Variants in STAG1 observed in about 807,000 individuals in gnomAD.
The protein encoded by STAG1 is cohesin subunit SA-1.
In STAG1, 26 loss-of-function variants were observed where a neutral mutation model predicts 170.9. The observed-to-expected ratio is 0.15, with a 90% confidence interval of 0.11 to 0.21. The LOEUF (loss-of-function observed/expected upper bound fraction) is 0.21. Ranked by LOEUF, STAG1 falls within the 10% of genes least tolerant of loss-of-function variation. The pLI, the probability that STAG1 is intolerant of heterozygous loss-of-function variation, is 1.00. For synonymous variants in STAG1, 514 were observed against 497.7 expected (o/e 1.03, Z -0.44); for missense variants, 964 against 1,509.5 (o/e 0.64, Z 5.99).
intron 1 of STAG1, among the ~76,000 whole-genome samples, chr3:136,700,057 T>C (rs1342017993): frequency 1.3e-5 from 2 of 151,700 alleles, no homozygotes; most frequent in Admixed American, 1.3e-4. Flanking sequence ...ATATCTAAAA[T>C]TGCCCTGTGT....
At chr3:136,717,341 C>T (rs1213783258) in intron 1 of STAG1, among the ~76,000 whole-genome samples, 1 of 152,150 alleles carries the variant, frequency 6.6e-6, no homozygotes, top group Non-Finnish European at 1.5e-5. Flanking sequence ...GTGTTAAAAG[C>T]ATTTTGTTAC....
chr3:136,402,865 C>G (rs905395260), intron 21 of STAG1, among the ~76,000 whole-genome samples: 2 of 151,854 alleles, frequency 1.3e-5, no homozygotes, highest in Non-Finnish European at 2.9e-5. Context: ...TTTCAGATCA[C>G]TCAAGCAAAA....
rs377097750 is a variant in STAG1, at chr3:136,523,750, T to C, written c.472-2333A>G. On this transcript the variant is annotated intron_variant, in intron 6 of 33. Coordinates refer to ENST00000383202, the MANE Select transcript of STAG1 (RefSeq NM_005862.3). ...TAGGTCTAACATGTAAGTCTTTAAT[T>C]CATCTTGAATTAATTTTTGTATAAA... Among the ~76,000 whole-genome samples the C allele has an allele frequency of 2.6e-5, 4 of 152,278 alleles. No homozygotes were observed. The East Asian group carries it at 7.7e-4, about 29-fold the overall frequency.
At chr3:136,348,517 T>C (rs1352493037) in intron 29 of STAG1, among the ~76,000 whole-genome samples, 3 of 152,134 alleles carry the variant, frequency 2.0e-5, no homozygotes, top group Non-Finnish European at 4.4e-5. Context: ...CAAGTGATTC[T>C]CCCACCTCGG....
intron 1 of STAG1, among the ~76,000 whole-genome samples, chr3:136,683,637 T>C (rs1942418302): frequency 6.6e-6 from 1 of 152,074 alleles, no homozygotes; most frequent in Non-Finnish European, 1.5e-5. Context: ...CCTACTAAGA[T>C]AAGCAACAAG....
chr3:136,674,592 T>C (rs762796846), intron 1 of STAG1, among the ~76,000 whole-genome samples: 6 of 152,320 alleles, frequency 3.9e-5, no homozygotes, highest in Admixed American at 6.5e-5. Flanking sequence ...CAAAAATCTA[T>C]ACATTTGTCA....
intron 7 of STAG1, among the ~76,000 whole-genome samples, chr3:136,516,714 G>A (rs965176328): frequency 2.6e-5 from 4 of 152,130 alleles, no homozygotes; most frequent in Admixed American, 6.5e-5. Flanking sequence ...ACTATTATCC[G>A]TTTTTCTCAT....
At chr3:136,560,914 G>A (rs145011838) in intron 5 of STAG1, among the ~76,000 whole-genome samples, 136 of 152,154 alleles carry the variant, frequency 8.9e-4, no homozygotes, top group African/African-American at 2.9e-3. Flanking sequence ...ACTTCTAGCC[G>A]GGAACTTGGG....
intron 22 of STAG1, among the ~76,000 whole-genome samples, chr3:136,388,055 T>C (rs1202079394): frequency 3.9e-5 from 6 of 152,214 alleles, no homozygotes; most frequent in Admixed American, 2.6e-4. Flanking sequence ...AATAGTTCAA[T>C]AGTTCATTTT....
intron 6 of STAG1, among the ~76,000 whole-genome samples, chr3:136,528,455 A>G (rs1935183275): frequency 6.6e-6 from 1 of 151,294 alleles, no homozygotes; most frequent in Non-Finnish European, 1.5e-5. Context: ...TGACATCTCC[A>G]AAGGAATACA....
chr3:136,576,584 T>TA (rs1202735108), intron 4 of STAG1, among the ~76,000 whole-genome samples: 1 of 152,186 alleles, frequency 6.6e-6, no homozygotes, highest in East Asian at 1.9e-4. Context: ...ATGAGGTAGT[T>TA]AAAAAATAAC....
intron 1 of STAG1, among the ~76,000 whole-genome samples, chr3:136,749,875 T>C (rs1291149219): frequency 2.0e-5 from 3 of 151,634 alleles, no homozygotes; most frequent in African/African-American, 7.3e-5. Flanking sequence ...CTGAAATAAT[T>C]GTTAATCTGT....
At chr3:136,441,565 T>C (rs1221872022) in intron 15 of STAG1, among the ~76,000 whole-genome samples, 1 of 152,204 alleles carries the variant, frequency 6.6e-6, no homozygotes, top group Non-Finnish European at 1.5e-5. Flanking sequence ...ACAAACTTGT[T>C]TGTCTCAATG....
rs145571901 is a variant in STAG1, at chr3:136,724,648, C to G, written c.-84+27547G>C. 3.6e-3 allele frequency among the ~76,000 whole-genome samples: 549 copies of G among 151,492 alleles called. 3 individuals are homozygous for G. Among genetic ancestry groups the G allele is most frequent in the African/African-American group, 0.013 (523 of 41,256 alleles). On this transcript the variant is annotated intron_variant, in intron 1 of 33. Coordinates refer to ENST00000383202, the MANE Select transcript of STAG1 (RefSeq NM_005862.3). ...GGAGAGCATGAATACTTAGTGGCTC[C>G]AGTCTGCAAGTTTGTTATTTTCTCC...
At chr3:136,394,325 C>T (rs1304849553) in intron 22 of STAG1, among the ~76,000 whole-genome samples, 1 of 152,018 alleles carries the variant, frequency 6.6e-6, no homozygotes, top group Non-Finnish European at 1.5e-5. Context: ...CTGAATATAC[C>T]CTGGACTTTT....
At chr3:136,512,103 A>AT (rs1934096209) in intron 7 of STAG1, among the ~76,000 whole-genome samples, 2 of 149,944 alleles carry the variant, frequency 1.3e-5, no homozygotes, top group Non-Finnish European at 3.0e-5. Context: ...AAATAAAAAA[A>AT]AAAAAAAAAA....
intron 1 of STAG1, among the ~76,000 whole-genome samples, chr3:136,749,965 G>C (rs182902447): frequency 4.0e-3 from 600 of 151,024 alleles, no homozygotes; most frequent in Middle Eastern, 0.014. Flanking sequence ...TAAAGATACA[G>C]GACAAAACAA....
chr3:136,723,828 A>T (rs544537127), intron 1 of STAG1, among the ~76,000 whole-genome samples: 4,782 of 110,682 alleles, frequency 0.043, 98 homozygotes, highest in Non-Finnish European at 0.064. Flanking sequence ...TCCGGGAGGG[A>T]GGTGGGGGGG....
chr3:136,556,227 C>A (rs1479465747), intron 5 of STAG1, among the ~76,000 whole-genome samples: 1 of 152,106 alleles, frequency 6.6e-6, no homozygotes, highest in African/African-American at 2.4e-5. Context: ...ACACATACAT[C>A]CCCTTCAAAA....
Sources: allele counts gnomAD v4.1 joint callset (sites outside exome capture counted in the v4.1 genomes callset), GRCh38; gene constraint gnomAD v4.1.1; transcripts MANE v1.5; gene names NCBI Gene and HGNC (gene_info 2026-07-23, HGNC 2026-07-21).